Variants in CNIH3 observed in about 807,000 individuals in gnomAD.
The protein encoded by CNIH3 is cornichon family AMPA receptor auxiliary protein 3, also known as protein cornichon homolog 3.
CNIH3 carries 14 observed loss-of-function variants against 24.1 expected under a neutral mutation model. That is an observed-to-expected ratio of 0.58 (90% CI 0.38 to 0.91). The LOEUF (loss-of-function observed/expected upper bound fraction) is 0.91, where lower values mean the gene tolerates loss of function less well. Ranked by LOEUF, CNIH3 falls within the 40% of genes least tolerant of loss-of-function variation. The pLI is 0.00. For synonymous variants in CNIH3, 68 were observed against 73.8 expected, an observed-to-expected ratio of 0.92 and a Z score of 0.40; for missense variants, 178 against 196.8, an observed-to-expected ratio of 0.90 and a Z score of 0.57.
At chr1:224,457,204 G>A (rs943547596) in intron 1 of CNIH3, among the ~76,000 whole-genome samples, 2 of 152,032 alleles carry the variant, frequency 1.3e-5, no homozygotes, top group Non-Finnish European at 2.9e-5. Flanking sequence ...ACTAGGAGGT[G>A]CTCCTACAAA....
chr1:224,441,642 T>A (rs1349091875), intron 1 of CNIH3, among the ~76,000 whole-genome samples: 1 of 152,180 alleles, frequency 6.6e-6, no homozygotes, highest in Non-Finnish European at 1.5e-5. Flanking sequence ...CATAAGAAAA[T>A]GTTTCTGAAT....
intron 1 of CNIH3, among the ~76,000 whole-genome samples, chr1:224,656,951 C>T (rs1685126306): frequency 6.6e-6 from 1 of 152,204 alleles, no homozygotes; most frequent in South Asian, 2.1e-4. Flanking sequence ...GGGCAAGAGG[C>T]AAGACCTTTT....
At position 224,616,751 on chromosome 1, in the gene CNIH3, G is replaced by C. The variant is rs1683018037; in HGVS notation, c.-424G>C. On this transcript the variant is annotated 5_prime_UTR_variant, in exon 1 of 6. Transcript: ENST00000272133. ...AGCGGAGCGCTCGTCTCTCCTCAGC[G>C]GTTTAGTGGAGAAAAGCAGAGAGCT... 1 of 1,009,532 alleles carries C rather than the reference G, an allele frequency of 9.9e-7. No individual in the cohort carries two copies. Among genetic ancestry groups the C allele is most frequent in the East Asian group, 1.0e-4 (1 of 9,766 alleles). 62.5% of individuals were successfully genotyped at this position (1,009,532 alleles called of 1,614,324 possible). A position where few individuals can be genotyped will look rare whatever the true frequency, so the allele number is the denominator to read the frequency against.
chr1:224,498,349 C>G (rs546711286), intron 1 of CNIH3, among the ~76,000 whole-genome samples: 1 of 152,158 alleles, frequency 6.6e-6, no homozygotes, highest in Non-Finnish European at 1.5e-5. Context: ...CTGCTGGGCC[C>G]GGTTCTCTTC....
downstream of CNIH3, among the ~76,000 whole-genome samples, chr1:224,541,493 A>T (rs1242276688): frequency 6.6e-6 from 1 of 152,190 alleles, no homozygotes; most frequent in Non-Finnish European, 1.5e-5. Flanking sequence ...AGAGGGAGAA[A>T]AGGCCCTTAA....
At chr1:224,513,363 A>AG (rs1393338672), upstream of CNIH3, among the ~76,000 whole-genome samples, 26,078 of 53,584 alleles carry the variant, frequency 0.49, 4,216 homozygotes, top group Non-Finnish European at 0.58. Context: ...TGGGGGTGGG[A>AG]GGGGGGGGGT....
At chr1:224,624,685 C>T (rs1478239318) in intron 1 of CNIH3, among the ~76,000 whole-genome samples, 1 of 152,210 alleles carries the variant, frequency 6.6e-6, no homozygotes, top group Non-Finnish European at 1.5e-5. Context: ...TAAACCACCC[C>T]ACTCATGGCT....
chr1:224,573,778 A>C (rs1680919971), intron 4 of CNIH3, among the ~76,000 whole-genome samples: 1 of 152,124 alleles, frequency 6.6e-6, no homozygotes, highest in Non-Finnish European at 1.5e-5. Flanking sequence ...TTCCCAGGGT[A>C]GGAAATGTGT....
At chr1:224,434,659 C>T, upstream of CNIH3, 3 of 795,728 alleles carry the variant, frequency 3.8e-6, no homozygotes, top group Non-Finnish European at 4.6e-6. Context: ...GGCGCGGGGC[C>T]CGCCGCTGGG....
At chr1:224,690,755 A>G (rs886268025) in intron 3 of CNIH3, among the ~76,000 whole-genome samples, 1 of 152,170 alleles carries the variant, frequency 6.6e-6, no homozygotes, top group African/African-American at 2.4e-5. Context: ...TCATCACCAC[A>G]TGGAGGAGAA....
At chr1:224,688,318 T>C (rs919244478) in intron 3 of CNIH3, among the ~76,000 whole-genome samples, 2 of 152,206 alleles carry the variant, frequency 1.3e-5, no homozygotes, top group Admixed American at 6.5e-5. Flanking sequence ...TCACATGTTA[T>C]TTAGCTTAAG....
chr1:224,593,701 A>G (rs1182524487), intron 3 of CNIH3, among the ~76,000 whole-genome samples: 4 of 152,266 alleles, frequency 2.6e-5, no homozygotes, highest in Admixed American at 2.6e-4. Flanking sequence ...AAATTTAAAA[A>G]TAAAAATAAA....
At position 224,704,258 on chromosome 1, in the gene CNIH3, A is replaced by C. The variant is rs937861454; in HGVS notation, c.198+19415A>C. ...CCCCTTCTCTCCTAGAAGCAGAGGCACGGGAACAATGAGAAGGCTCTCTCC... is the reference window on the plus strand; with the variant it reads ...CCCCTTCTCTCCTAGAAGCAGAGGCCCGGGAACAATGAGAAGGCTCTCTCC... On this transcript the variant is annotated intron_variant, in intron 3 of 5. Transcript: ENST00000272133. This position sits in a 1 kb window ranked among gnomAD's most constrained non-coding sequence, Gnocchi z 4.2. Among the ~76,000 whole-genome samples, 9 of 152,306 alleles carry C rather than the reference A, an allele frequency of 5.9e-5. No individual in the cohort carries two copies. Among genetic ancestry groups the C allele is most frequent in the Middle Eastern group, 6.8e-3 (2 of 294 alleles).
chr1:224,553,812 C>T (rs1022443220), intron 3 of CNIH3, among the ~76,000 whole-genome samples: 4 of 151,372 alleles, frequency 2.6e-5, no homozygotes, highest in African/African-American at 9.7e-5. Context: ...CCCTGCCTCC[C>T]TCCCTCCCTC....
chr1:224,608,528 G>T (rs562098410), intron 3 of CNIH3, among the ~76,000 whole-genome samples: 1 of 152,142 alleles, frequency 6.6e-6, no homozygotes, highest in Non-Finnish European at 1.5e-5. Context: ...TAATCAGAAC[G>T]GAACAGAACA....
intron 1 of CNIH3, among the ~76,000 whole-genome samples, chr1:224,460,787 A>G (rs2102981916): frequency 7.0e-6 from 1 of 143,534 alleles, no homozygotes; most frequent in Non-Finnish European, 1.5e-5. Flanking sequence ...TTTTTTTTTT[A>G]GATATGTGGT....
intron 1 of CNIH3, among the ~76,000 whole-genome samples, chr1:224,666,992 CT>C (rs915960998): frequency 1.1e-4 from 17 of 152,328 alleles, no homozygotes; most frequent in African/African-American, 4.1e-4. Flanking sequence ...TTCCTGACCC[CT>C]GTCATCTCCT....
chr1:224,638,911 A>G (rs925912847), intron 1 of CNIH3, among the ~76,000 whole-genome samples: 1 of 151,952 alleles, frequency 6.6e-6, no homozygotes, highest in African/African-American at 2.4e-5. Context: ...CCATATTTCC[A>G]ATTTCCTTCC....
At chr1:224,634,538 A>C (rs1009995925) in intron 1 of CNIH3, among the ~76,000 whole-genome samples, 6 of 150,640 alleles carry the variant, frequency 4.0e-5, no homozygotes, top group Non-Finnish European at 7.4e-5. Flanking sequence ...GTGCCACGGC[A>C]CTCCAGCCTG....
Sources: gnomAD v4.1 joint callset for allele counts (sites outside exome capture counted in the v4.1 genomes callset) on GRCh38, gnomAD v4.1.1 for gene constraint, Gnocchi (gnomAD v3.1) non-coding constraint, MANE v1.5 for transcripts, NCBI Gene and HGNC (gene_info 2026-07-23, HGNC 2026-07-21) for gene names.